The following SPPL2B variants were observed in gnomAD, a reference collection of about 807,000 sequenced individuals.
SPPL2B encodes signal peptide peptidase-like 2B.
In SPPL2B, 39 loss-of-function variants were observed where a neutral mutation model predicts 59.7. The ratio of observed to expected loss-of-function variants is 0.65; its 90% CI spans 0.51 to 0.85. SPPL2B has a LOEUF of 0.85. Ranked by LOEUF, SPPL2B falls within the 40% of genes least tolerant of loss-of-function variation. The pLI is 0.00. For missense variants in SPPL2B, 865 were observed against 849.0 expected (o/e 1.02, Z -0.23); for synonymous variants, 419 against 370.8 (o/e 1.13, Z -1.49).
Position 2,339,248 on chromosome 19 carries a change from C to T in SPPL2B, c.599+40C>T, listed in dbSNP as rs142285842. The T allele has an allele frequency of 1.4e-3, 2,239 of 1,582,090 alleles. 59 individuals are homozygous for T. In the East Asian group the frequency reaches 0.043, roughly 30 times the overall value. ...GTGCGTGTGCTGTGACGGGGTCGGGCGGCTCTGACACGGGCCGGGACGGCC... is the reference window on the plus strand; with the variant it reads ...GTGCGTGTGCTGTGACGGGGTCGGGTGGCTCTGACACGGGCCGGGACGGCC... On this transcript the variant is annotated intron_variant, in intron 5 of 14. Transcript: ENST00000613503.
At chr19:2,343,023 C>T (rs1246241485) in intron 8 of SPPL2B, 188 bp from the exon 9 acceptor site, 7 of 601,904 alleles carry the variant, frequency 1.2e-5, no homozygotes, top group African/African-American at 1.8e-5. Flanking sequence ...GCCGCCAGCC[C>T]TGCTGGAGTT....
rs974637777 is a variant in SPPL2B, at chr19:2,328,732, C to T, written c.23C>T (p.Ala8Val). ...GACATGGCGGCAGCGGTGGCGGCTG[C>T]GCTGGCGCGGCTTTTGGCGGCCTTT... MAAAVAA[A>V]LARLLAAFLL... Residue 8 changes from alanine (A) to valine (V), a missense_variant, in exon 1 of 15, where the codon GCG becomes GTG. Physicochemically the swap from Ala to Val is moderately conservative, Grantham distance 64. Transcript: ENST00000613503. 2.7e-6 allele frequency: 4 copies of T among 1,458,488 alleles called. No homozygotes were observed. Among genetic ancestry groups the T allele is most frequent in the Non-Finnish European group, 1.8e-6 (2 of 1,113,636 alleles). The allele number at this position is 1,458,488 out of a possible 1,614,324, so 90.3% of individuals were successfully genotyped here.
At chr19:2,334,843 C>A (rs1302062790) in intron 2 of SPPL2B, 122 bp downstream of exon 2, 1 of 1,287,310 alleles carries the variant, frequency 7.8e-7, no homozygotes, top group Non-Finnish European at 1.0e-6. Flanking sequence ...CTGACCAGGT[C>A]TGGGGGACTC....
rs547389412 is a variant in SPPL2B, at chr19:2,344,416, C to T, written c.1168C>T (p.Arg390Cys). The T allele has an allele frequency of 7.6e-6, 12 of 1,569,930 alleles. No homozygotes were observed. Among genetic ancestry groups the T allele is most frequent in the African/African-American group, 2.7e-5 (2 of 73,086 alleles). ...VATGPSDSAT[R>C]EKLPMVLKVP... Reference sequence around the variant, plus strand: ...CACTGGGCCCTCGGACTCAGCCACCCGTGAGAAGGTGTGTCTTCTGACTGC... The same window carrying T: ...CACTGGGCCCTCGGACTCAGCCACCTGTGAGAAGGTGTGTCTTCTGACTGC... The change falls in exon 11 of 15, where the codon CGT (arginine) becomes TGT (cysteine). Residue 390 changes from arginine to cysteine, a missense_variant. Arg to Cys is a radical substitution (Grantham distance 180, BLOSUM62 -3). Transcript: ENST00000613503.
intron 14 of SPPL2B, among the ~76,000 whole-genome samples, chr19:2,352,278 G>A (rs1021917247): frequency 6.6e-6 from 1 of 152,110 alleles, no homozygotes; most frequent in Non-Finnish European, 1.5e-5. Flanking sequence ...TCCGGGCAGC[G>A]CCTCTTGGAG....
intron 2 of SPPL2B, 76 bp downstream of exon 2, chr19:2,334,797 G>C (rs1392445301): frequency 1.4e-6 from 2 of 1,445,706 alleles, no homozygotes; most frequent in East Asian, 2.7e-5. Context: ...CATCCGGCTG[G>C]GGTTGCAGGA....
At chr19:2,339,273 C>T in intron 5 of SPPL2B, 65 bp downstream of exon 5, 1 of 1,542,370 alleles carries the variant, frequency 6.5e-7, no homozygotes, top group South Asian at 1.2e-5. Context: ...CCGGGACGGC[C>T]AGTCTTCCAG....
At position 2,353,497 on chromosome 19, in the gene SPPL2B, C is replaced by T; in HGVS notation, c.*288C>T. The T allele has an allele frequency of 1.5e-5, 7 of 457,838 alleles. No individual in the cohort carries two copies. The highest frequency in any genetic ancestry group is 2.3e-5 in the Non-Finnish European group (6 of 256,710). The allele number at this position is 457,838 out of a possible 1,614,324, so 28.4% of individuals were successfully genotyped here. Reference sequence around the variant, plus strand: ...GTCCGTCCTCGCAGGCCCTGCCCGGCCTCTCTGCAGACCCTCAAGCGTCGT... The same window carrying T: ...GTCCGTCCTCGCAGGCCCTGCCCGGTCTCTCTGCAGACCCTCAAGCGTCGT... On this transcript the variant is annotated 3_prime_UTR_variant, in exon 15 of 15. Coordinates refer to ENST00000613503, the MANE Select transcript of SPPL2B (RefSeq NM_152988.3).
chr19:2,332,721 G>A lies in SPPL2B; in HGVS notation c.67-1881G>A, dbSNP rs1374812606. Among the ~76,000 whole-genome samples, 1 of 152,152 alleles carries A rather than the reference G, an allele frequency of 6.6e-6. No individual in the cohort carries two copies. Among genetic ancestry groups the A allele is most frequent in the Non-Finnish European group, 1.5e-5 (1 of 68,028 alleles). ...GGTGGGTCTCCTTGGTCCCTGGCAC[G>A]TGGTTTTTCTTCTGGGACCCCTCCT... is the stretch of plus-strand genomic sequence containing the variant. On this transcript the variant is annotated intron_variant, in intron 1 of 14. Coordinates refer to ENST00000613503, the MANE Select transcript of SPPL2B (RefSeq NM_152988.3). This position sits in a 1 kb window ranked among gnomAD's most constrained non-coding sequence, Gnocchi z 4.6.
At chr19:2,334,093 C>G (rs1968429144) in intron 1 of SPPL2B, among the ~76,000 whole-genome samples, 5 of 152,210 alleles carry the variant, frequency 3.3e-5, no homozygotes, top group Admixed American at 3.3e-4. Context: ...CCTTGGAGCA[C>G]CAGCCAACAA....
At position 2,334,616 on chromosome 19, in the gene SPPL2B, C is replaced by G. The variant is rs555713229; in HGVS notation, c.81C>G (p.Tyr27Ter). 1 of 1,612,150 alleles carries G rather than the reference C, an allele frequency of 6.2e-7. No homozygotes were observed. The highest frequency in any genetic ancestry group is 8.5e-7 in the Non-Finnish European group (1 of 1,179,260). The change falls in exon 2 of 15, where the codon TAC (tyrosine) becomes TAG (stop). Residue 27 changes from tyrosine to a stop codon, truncating the protein, a stop_gained. Transcript: ENST00000613503. LOFTEE classifies it high-confidence loss of function. ...TTGTCCTGCAGGTGGCCTGTGAGTA[C>G]GGCATGGTGCACGTGGTCTCCCAGG... ...LLLAAQVACE[Y>*]GMVHVVSQAG...
intron 9 of SPPL2B, 89 bp downstream of exon 9, chr19:2,343,381 C>G: frequency 1.8e-6 from 2 of 1,097,422 alleles, no homozygotes; most frequent in Non-Finnish European, 2.7e-6. Flanking sequence ...GTGGTCCTTG[C>G]AGGTCTGTGC....
chr19:2,338,171 C>T (rs759781199), intron 3 of SPPL2B: 2 of 155,962 alleles, frequency 1.3e-5, no homozygotes, highest in Non-Finnish European at 2.8e-5. Flanking sequence ...GGGCAGGGTG[C>T]GTGGCCGCCC....
At position 2,347,792 on chromosome 19, in the gene SPPL2B, C is replaced by T. The variant is rs141619450; in HGVS notation, c.1354+2462C>T. On this transcript the variant is annotated intron_variant, in intron 13 of 14. Coordinates refer to ENST00000613503, the MANE Select transcript of SPPL2B (RefSeq NM_152988.3). ...ACACACACTCTCATTCGCCTGATTC[C>T]GTTCTCTCTCTCCACACACACGCGC... 9.2e-4 allele frequency among the ~76,000 whole-genome samples: 49 copies of T among 53,442 alleles called. 2 individuals carry two copies. Among genetic ancestry groups the T allele is most frequent in the African/African-American group, 7.6e-3 (44 of 5,826 alleles). The allele number at this position is 53,442 out of a possible 152,430, so 35.1% of individuals were successfully genotyped here. A position where few individuals can be genotyped will look rare whatever the true frequency, so the allele number is the denominator to read the frequency against.
At chr19:2,341,071 G>A (rs768078639) in intron 8 of SPPL2B, 57 bp downstream of exon 8, 87 of 1,257,326 alleles carry the variant, frequency 6.9e-5, no homozygotes, top group Non-Finnish European at 9.3e-5. Flanking sequence ...GTGCACCAGG[G>A]CTCCTGGGGC....
At chr19:2,335,365 C>T (rs1252949133) in intron 2 of SPPL2B, among the ~76,000 whole-genome samples, 2 of 120,956 alleles carry the variant, frequency 1.7e-5, no homozygotes, top group East Asian at 2.6e-4. Flanking sequence ...GGCCCCGCCT[C>T]CTTTCTCACT....
Position 2,329,852 on chromosome 19 carries a change from ACT to A in SPPL2B, c.66+1082_66+1083del, listed in dbSNP as rs564587449. 4.9e-4 allele frequency among the ~76,000 whole-genome samples: 75 copies of A among 152,108 alleles called. No homozygotes were observed. The South Asian group carries it at 0.015, about 31-fold the overall frequency. On this transcript the variant is annotated intron_variant, in intron 1 of 14. Coordinates refer to ENST00000613503, the MANE Select transcript of SPPL2B (RefSeq NM_152988.3). Reference sequence around the variant, plus strand: ...GCCTGCAGCTCATTGCAGTCGCTTCACTCTCTAGTCTTTTCTCTTACCCTGAG... The same window carrying A: ...GCCTGCAGCTCATTGCAGTCGCTTCACTCTAGTCTTTTCTCTTACCCTGAG...
intron 7 of SPPL2B, 87 bp from the exon 8 acceptor site, chr19:2,340,811 G>A: frequency 5.5e-6 from 4 of 725,332 alleles, no homozygotes; most frequent in South Asian, 3.5e-5. Context: ...CTCTGCAGGG[G>A]GTGCCTGGGC....
intron 13 of SPPL2B, among the ~76,000 whole-genome samples, chr19:2,349,363 C>T (rs1438274479): frequency 2.7e-5 from 3 of 110,526 alleles, no homozygotes; most frequent in Non-Finnish European, 5.5e-5. Context: ...CACTCGTGTT[C>T]TCATTCGCCT....
Sources: allele counts gnomAD v4.1 joint callset (sites outside exome capture counted in the v4.1 genomes callset), GRCh38; gene constraint gnomAD v4.1.1; non-coding constraint Gnocchi (gnomAD v3.1); transcripts MANE v1.5; gene names NCBI Gene and HGNC (gene_info 2026-07-23, HGNC 2026-07-21).